The following ANKRD36C variants were observed in gnomAD, a reference collection of about 807,000 sequenced individuals.
The protein encoded by ANKRD36C is ankyrin repeat domain 36C, also known as ankyrin repeat domain-containing protein 36C.
In ANKRD36C, 61 loss-of-function variants were observed where a neutral mutation model predicts 276.4. That is an observed-to-expected ratio of 0.22 (90% confidence interval 0.18 to 0.27). The LOEUF is 0.27. ANKRD36C is among the 10% of genes least tolerant of loss of function. The pLI is 1.00. For missense variants in ANKRD36C, 1,447 were observed against 2,032.3 expected (o/e 0.71, Z 5.54); for synonymous variants, 483 against 680.1 (o/e 0.71, Z 4.51).
chr2:95,987,646 G>T (rs1181173527), intron 1 of ANKRD36C, among the ~76,000 whole-genome samples: 1 of 116,684 alleles, frequency 8.6e-6, no homozygotes, highest in Non-Finnish European at 1.6e-5. Flanking sequence ...ACGGAGTCTC[G>T]CTCTGTCGCC....
chr2:95,985,035 A>C (rs190698461), intron 3 of ANKRD36C, among the ~76,000 whole-genome samples: 139 of 152,336 alleles, frequency 9.1e-4, no homozygotes, highest in Non-Finnish European at 1.5e-3. Context: ...ATTGTAATTG[A>C]GAGAACCCCG....
At chr2:95,915,106 T>C (rs1263276072) in intron 38 of ANKRD36C, among the ~76,000 whole-genome samples, 13 of 151,700 alleles carry the variant, frequency 8.6e-5, no homozygotes, top group African/African-American at 3.1e-4. Flanking sequence ...TTGAAAATGA[T>C]CACTCTAGGA....
intron 56 of ANKRD36C, 61 bp downstream of exon 76, chr2:95,882,241 G>A: frequency 6.5e-7 from 1 of 1,540,742 alleles, no homozygotes; most frequent in Non-Finnish European, 8.8e-7. Context: ...ATCTATTCAG[G>A]GGTGGGACAT....
chr2:95,876,558 T>C, intron 58 of ANKRD36C, 46 bp from the exon 79 acceptor site: 2 of 1,552,864 alleles, frequency 1.3e-6, no homozygotes, highest in South Asian at 2.3e-5. Context: ...CACAGAACAG[T>C]TAGATAAAAG....
rs187659190 is a variant in ANKRD36C at position 95,917,708 on chromosome 2, A to T, written c.2347+147T>A. 1,891 of 1,143,182 alleles carry T rather than the reference A, an allele frequency of 1.7e-3. 5 individuals carry two copies. The highest frequency in any genetic ancestry group is 2.2e-3 in the Non-Finnish European group (1,785 of 820,178). 70.8% of individuals were successfully genotyped at this position (1,143,182 alleles called of 1,614,324 possible). On this transcript the variant is annotated intron_variant, in intron 36 of 66. Coordinates refer to ENST00000456556, the Ensembl canonical transcript of ANKRD36C. ...CAGCATTAGCGCCACCCAAGAATTTATTACAAATGAAGACTCTCAGGACTG... is the reference window on the plus strand; with the variant it reads ...CAGCATTAGCGCCACCCAAGAATTTTTTACAAATGAAGACTCTCAGGACTG...
intron 2 of ANKRD36C, 61 bp downstream of exon 2, chr2:95,987,031 T>G (rs1679042116): frequency 4.1e-6 from 6 of 1,469,964 alleles, no homozygotes; most frequent in Non-Finnish European, 1.8e-6. Context: ...ATAAATTCAT[T>G]TTATCCTATG....
chr2:95,936,094 T>A (rs1677707942), intron 22 of ANKRD36C, among the ~76,000 whole-genome samples: 1 of 152,308 alleles, frequency 6.6e-6, no homozygotes, highest in African/African-American at 2.4e-5. Context: ...GTTTTTCCAT[T>A]TCCTGGATTC....
chr2:95,925,367 C>T, exon 30 of ANKRD36C: 1 of 1,579,802 alleles, frequency 6.3e-7, no homozygotes, highest in Non-Finnish European at 8.6e-7. Context: ...CCAGATTTCC[C>T]ACCGCCCGTT....
intron 44 of ANKRD36C, among the ~76,000 whole-genome samples, chr2:95,897,021 T>G (rs1676570199): frequency 6.7e-6 from 1 of 149,220 alleles, no homozygotes; most frequent in South Asian, 2.1e-4. Flanking sequence ...CAGAGCCCCT[T>G]ATGCCTTGAA....
At chr2:95,981,649 C>T (rs1164331131) in intron 4 of ANKRD36C, among the ~76,000 whole-genome samples, 1 of 150,818 alleles carries the variant, frequency 6.6e-6, no homozygotes. Context: ...ACACAACCAC[C>T]CTTGAAGGAT....
intron 42 of ANKRD36C, among the ~76,000 whole-genome samples, chr2:95,908,949 C>T (rs1362674099): frequency 6.6e-6 from 1 of 151,100 alleles, no homozygotes; most frequent in Non-Finnish European, 1.5e-5. Context: ...TAAAATAAAA[C>T]CATGTCAATA....
intron 30 of ANKRD36C, 99 bp downstream of exon 30, chr2:95,925,253 A>C: frequency 6.6e-7 from 1 of 1,519,844 alleles, no homozygotes; most frequent in Non-Finnish European, 8.9e-7. Flanking sequence ...GCTTAATCAG[A>C]AAGTGCATTT....
chr2:95,983,438 G>A (rs557756482), intron 3 of ANKRD36C, among the ~76,000 whole-genome samples: 1 of 151,270 alleles, frequency 6.6e-6, no homozygotes, highest in East Asian at 1.9e-4. Flanking sequence ...TTATATTCTA[G>A]TTTCCAATTA....
At chr2:95,856,937 A>G (rs190650297) in intron 62 of ANKRD36C, among the ~76,000 whole-genome samples, 6 of 152,288 alleles carry the variant, frequency 3.9e-5, no homozygotes, top group Admixed American at 6.5e-5. Flanking sequence ...TTAAATCTAT[A>G]AAGCTCTTCT....
At chr2:95,943,433 C>T (rs1170944194) in intron 19 of ANKRD36C, among the ~76,000 whole-genome samples, 3 of 150,660 alleles carry the variant, frequency 2.0e-5, no homozygotes, top group African/African-American at 4.9e-5. Context: ...TGCAGTGAGC[C>T]GAGATCGCCC....
chr2:95,989,323 A>G (rs1159843286), intron 1 of ANKRD36C, among the ~76,000 whole-genome samples: 1 of 152,262 alleles, frequency 6.6e-6, no homozygotes, highest in Admixed American at 6.5e-5. Context: ...TCATTTATAC[A>G]TCACGGATAA....
intron 36 of ANKRD36C, 117 bp from the exon 39 acceptor site, chr2:95,916,288 A>G (rs558792544): frequency 6.6e-7 from 1 of 1,521,162 alleles, no homozygotes; most frequent in Non-Finnish European, 8.9e-7. Context: ...GGAGGCTTTG[A>G]TGGCTTCTAC....
chr2:95,919,891 C>A lies in ANKRD36C; in HGVS notation c.2245+1716G>T. The A allele has an allele frequency of 6.5e-7, 1 of 1,545,532 alleles. No individual in the cohort carries two copies. The highest frequency in any genetic ancestry group is 8.7e-7 in the Non-Finnish European group (1 of 1,146,468). ...TACAATGTAAATGAGAGTTTAATTA[C>A]CTTCAAGGCTGGTTGTTTCTGAGAA... On this transcript the variant is annotated intron_variant, in intron 34 of 66. Transcript: ENST00000456556.
At chr2:95,898,118 G>C (rs1055451364) in intron 44 of ANKRD36C, among the ~76,000 whole-genome samples, 4 of 149,054 alleles carry the variant, frequency 2.7e-5, no homozygotes, top group Non-Finnish European at 3.0e-5. Flanking sequence ...TCTTCATCCA[G>C]TCGTGGCAAC....
Sources: gnomAD v4.1 joint callset for allele counts (sites outside exome capture counted in the v4.1 genomes callset) on GRCh38, gnomAD v4.1.1 for gene constraint, MANE v1.5 for transcripts, NCBI Gene and HGNC (gene_info 2026-07-23, HGNC 2026-07-21) for gene names.